CORO2B: variants seen among roughly 807,000 people sequenced by gnomAD.
CORO2B encodes the protein coronin-2B.
A neutral mutation model predicts 58.8 loss-of-function variants in CORO2B; 26 were observed. That is an observed-to-expected ratio of 0.44 (90% confidence interval 0.32 to 0.61). The LOEUF is 0.61. Among genes scored for constraint, CORO2B ranks in the 20% least tolerant of loss-of-function variants. The pLI, the probability that CORO2B is intolerant of heterozygous loss-of-function variation, is 0.04. For synonymous variants in CORO2B, 242 were observed against 253.8 expected (o/e 0.95, Z 0.44); for missense variants, 460 against 645.1 (o/e 0.71, Z 3.11).
the CORO2B span, among the ~76,000 whole-genome samples, chr15:68,532,617 T>C: frequency 6.6e-6 from 1 of 152,274 alleles, no homozygotes; most frequent in Non-Finnish European, 1.5e-5. Context: ...CATTTCTGTT[T>C]CTGCTTCTAC....
chr15:68,665,683 G>GT (rs1902170027), intron 2 of CORO2B, among the ~76,000 whole-genome samples: 1 of 151,826 alleles, frequency 6.6e-6, no homozygotes, highest in African/African-American at 2.4e-5. Context: ...CTTGTTACAC[G>GT]TATTTACCTT....
At chr15:68,680,788 C>T (rs987945456) in intron 2 of CORO2B, among the ~76,000 whole-genome samples, 5 of 152,168 alleles carry the variant, frequency 3.3e-5, no homozygotes, top group African/African-American at 9.7e-5. Flanking sequence ...GACACAATGA[C>T]CTGTACTTCG....
chr15:68,697,511 G>A (rs1892543063), intron 3 of CORO2B, among the ~76,000 whole-genome samples: 1 of 152,200 alleles, frequency 6.6e-6, no homozygotes, highest in African/African-American at 2.4e-5. Flanking sequence ...GTACATGGGA[G>A]AGTGGTGAGG....
At chr15:68,526,384 C>T in the CORO2B span, among the ~76,000 whole-genome samples, 2 of 152,270 alleles carry the variant, frequency 1.3e-5, no homozygotes, top group Non-Finnish European at 2.9e-5. Context: ...CTGTCACCAG[C>T]AATGCTCCAC....
At chr15:68,686,020 GTTTT>G (rs56168498) in intron 2 of CORO2B, among the ~76,000 whole-genome samples, 2 of 103,334 alleles carry the variant, frequency 1.9e-5, no homozygotes, top group Non-Finnish European at 4.0e-5. Flanking sequence ...TCCTACTTCT[GTTTT>G]TTTTTTTTTT....
intron 2 of CORO2B, among the ~76,000 whole-genome samples, chr15:68,690,375 T>C (rs1357942047): frequency 6.6e-6 from 1 of 152,166 alleles, no homozygotes; most frequent in African/African-American, 2.4e-5. Flanking sequence ...CTTACCCCCA[T>C]ATTTCTTAAT....
In CORO2B at chr15:68,719,153, T is replaced by C; in HGVS notation, c.1090T>C (p.Tyr364His). ...GCTCCTCCCACTGTAGTCAGATTCC[T>C]ACCAGGAAGACATTTACCCAATGAC... ...SMIVPRRSDS[Y>H]QEDIYPMTPG... Residue 364 changes from tyrosine to histidine, a missense_variant, in exon 10 of 12, where the codon TAC (tyrosine) becomes CAC (histidine). Physicochemically the swap from Tyr to His is moderately conservative, Grantham distance 83. Coordinates refer to ENST00000261861, the MANE Select transcript of CORO2B (RefSeq NM_006091.5). The C allele has an allele frequency of 6.2e-7, 1 of 1,613,916 alleles. No individual in the cohort carries two copies. The highest frequency in any genetic ancestry group is 8.5e-7 in the Non-Finnish European group (1 of 1,179,850).
intron 2 of CORO2B, among the ~76,000 whole-genome samples, chr15:68,648,268 G>A (rs1901517303): frequency 6.6e-6 from 1 of 151,498 alleles, no homozygotes; most frequent in Admixed American, 6.6e-5. Flanking sequence ...GGGAGGCAGA[G>A]GTTGCAGTGG....
chr15:68,557,438 C>A, the CORO2B span, among the ~76,000 whole-genome samples: 188 of 151,806 alleles, frequency 1.2e-3, no homozygotes, highest in Non-Finnish European at 2.3e-3. Context: ...GTCAATCTAT[C>A]CAAAGTCATA....
chr15:68,637,468 T>A (rs1901067928), intron 1 of CORO2B, among the ~76,000 whole-genome samples: 1 of 152,210 alleles, frequency 6.6e-6, no homozygotes, highest in African/African-American at 2.4e-5. Context: ...GTGTCTTTCC[T>A]TCATGACAGT....
chr15:68,713,666 C>A (rs1892968840), intron 5 of CORO2B, among the ~76,000 whole-genome samples: 1 of 152,176 alleles, frequency 6.6e-6, no homozygotes, highest in African/African-American at 2.4e-5. Flanking sequence ...ACCTTCTCCC[C>A]TGTGTGTCTC....
At chr15:68,593,050 C>T (rs1266578784) in intron 1 of CORO2B, among the ~76,000 whole-genome samples, 2 of 152,152 alleles carry the variant, frequency 1.3e-5, no homozygotes, top group Admixed American at 1.3e-4. Flanking sequence ...AGAGGCATCA[C>T]GTCATAGTGA....
intron 1 of CORO2B, among the ~76,000 whole-genome samples, chr15:68,621,135 G>A (rs1900504312): frequency 6.6e-6 from 1 of 152,188 alleles, no homozygotes; most frequent in Admixed American, 6.5e-5. Context: ...GCCAGTGCAG[G>A]TGTAGGGACC....
intron 3 of CORO2B, among the ~76,000 whole-genome samples, chr15:68,699,947 TCCAAC>T (rs1009469466): frequency 2.0e-5 from 3 of 152,086 alleles, no homozygotes; most frequent in African/African-American, 7.2e-5. Flanking sequence ...CTCCTCAGGG[TCCAAC>T]CTGGGTGCTG....
At chr15:68,541,295 G>A in the CORO2B span, among the ~76,000 whole-genome samples, 1 of 151,862 alleles carries the variant, frequency 6.6e-6, no homozygotes, top group East Asian at 1.9e-4. Flanking sequence ...GGACCATAAT[G>A]TGATTTCAGG....
intron 1 of CORO2B, among the ~76,000 whole-genome samples, chr15:68,586,334 G>A (rs969667712): frequency 2.0e-5 from 3 of 152,138 alleles, no homozygotes; most frequent in African/African-American, 7.2e-5. Context: ...GGGAACTCTG[G>A]GAATAGCAGG....
intron 1 of CORO2B, among the ~76,000 whole-genome samples, chr15:68,630,741 G>A (rs1305121428): frequency 6.6e-6 from 1 of 152,132 alleles, no homozygotes; most frequent in African/African-American, 2.4e-5. Flanking sequence ...GCTCCACAGT[G>A]CCATCAAGGA....
intron 3 of CORO2B, among the ~76,000 whole-genome samples, chr15:68,705,436 C>CAAAAAAAAAAAAAAAAAAAAA (rs35973911): frequency 1.8e-5 from 2 of 112,818 alleles, no homozygotes; most frequent in African/African-American, 7.1e-5. Flanking sequence ...AACTCTATCT[C>CAAAAAAAAAAAAAAAAAAAAA]AAAAAAAAAA....
At chr15:68,700,545 C>T (rs1034973636) in intron 3 of CORO2B, among the ~76,000 whole-genome samples, 2 of 152,120 alleles carry the variant, frequency 1.3e-5, no homozygotes, top group Admixed American at 6.5e-5. Context: ...TCCTCCATCC[C>T]GCCAGGGATC....
Sources: allele counts gnomAD v4.1 joint callset (sites outside exome capture counted in the v4.1 genomes callset), GRCh38; gene constraint gnomAD v4.1.1; transcripts MANE v1.5; gene names NCBI Gene and HGNC (gene_info 2026-07-23, HGNC 2026-07-21).